Variants in NAV2 observed in about 807,000 individuals in gnomAD.
NAV2 encodes helicase, APC down-regulated 1.
A neutral mutation model predicts 223.2 loss-of-function variants in NAV2; 54 were observed. That is an observed-to-expected ratio of 0.24 (90% CI 0.19 to 0.30). The LOEUF is 0.30. Among genes scored for constraint, NAV2 ranks in the 10% least tolerant of loss-of-function variants. The probability of loss-of-function intolerance (pLI) is 1.00; values close to 1 mark genes in which losing one functional copy is unlikely to be tolerated. For synonymous variants in NAV2, 1,279 were observed against 1,239.3 expected, an observed-to-expected ratio of 1.03 and a Z score of -0.67; for missense variants, 2,806 against 3,147.5, an observed-to-expected ratio of 0.89 and a Z score of 2.60.
chr11:19,891,638 G>T (rs1231493606), intron 5 of NAV2, among the ~76,000 whole-genome samples: 5 of 152,172 alleles, frequency 3.3e-5, no homozygotes, highest in Non-Finnish European at 4.4e-5. Context: ...TTGGAGACAG[G>T]TCATCAGGTG....
chr11:19,475,517 A>G (rs889480581), intron 1 of NAV2, among the ~76,000 whole-genome samples: 5 of 152,216 alleles, frequency 3.3e-5, no homozygotes, highest in Admixed American at 1.3e-4. Context: ...TTTGGATTAC[A>G]GGCTGGTATC....
At chr11:20,090,020 C>T (rs1011327485) in intron 26 of NAV2, among the ~76,000 whole-genome samples, 1 of 152,186 alleles carries the variant, frequency 6.6e-6, no homozygotes, top group African/African-American at 2.4e-5. Flanking sequence ...AGAGGTTTCC[C>T]TTCTTGCCCT....
chr11:19,928,581 C>T (rs1450697972), intron 6 of NAV2, among the ~76,000 whole-genome samples: 1 of 152,170 alleles, frequency 6.6e-6, no homozygotes, highest in African/African-American at 2.4e-5. Context: ...ACCCACCTTC[C>T]CCCAAACTGG....
rs112698603 is a variant in NAV2, at chr11:19,959,041, G to T, written c.2645+9961G>T. Among the ~76,000 whole-genome samples the T allele has an allele frequency of 4.3e-3, 662 of 152,298 alleles. 5 individuals are homozygous for T. Among genetic ancestry groups the T allele is most frequent in the African/African-American group, 0.015 (636 of 41,560 alleles). On this transcript the variant is annotated intron_variant, in intron 10 of 37. Transcript: ENST00000349880. ...CAGGGGACACAAAGGAGACAGAGAAGATAAGGATGGCTCCCCAGCTCCAGC... is the reference window on the plus strand; with the variant it reads ...CAGGGGACACAAAGGAGACAGAGAATATAAGGATGGCTCCCCAGCTCCAGC...
intron 19 of NAV2, among the ~76,000 whole-genome samples, chr11:20,059,517 G>A (rs1248284223): frequency 6.6e-6 from 1 of 152,002 alleles, no homozygotes; most frequent in Non-Finnish European, 1.5e-5. Flanking sequence ...CCTAGGTTGT[G>A]CCCATGTGTT....
chr11:19,887,643 C>T (rs1379602347), intron 5 of NAV2, among the ~76,000 whole-genome samples: 2 of 152,134 alleles, frequency 1.3e-5, no homozygotes. Flanking sequence ...ATTTTGGGTT[C>T]ATCTGGGTCA....
At chr11:19,868,801 C>G (rs2062264752) in intron 3 of NAV2, 124 bp from the exon 4 acceptor site, 8 of 805,296 alleles carry the variant, frequency 9.9e-6, no homozygotes, top group Non-Finnish European at 1.6e-5. Flanking sequence ...AAGAGAGTGT[C>G]CTATCTTGGC....
intron 22 of NAV2, among the ~76,000 whole-genome samples, chr11:20,075,555 A>G (rs1259250424): frequency 1.3e-5 from 2 of 152,010 alleles, no homozygotes; most frequent in Non-Finnish European, 2.9e-5. Flanking sequence ...TCCATTTTTA[A>G]TAGAGAGAGG....
At position 20,045,565 on chromosome 11, in the gene NAV2, A is replaced by G. The variant is rs1345972024; in HGVS notation, c.3797A>G (p.Asn1266Ser). ...GACAACGAGAGTGTGGCTTCCTGTA[A>G]CTCGGTGAAAGTGAATCCGGCAGCC... The part of the protein sequence containing the change: ...SSDNESVASC[N>S]SVKVNPAAQP... The change falls in exon 14 of 38, where the codon AAC becomes AGC. Residue 1266 changes from asparagine to serine, a missense_variant. Transcript: ENST00000349880. 1 of 1,614,000 alleles carries G rather than the reference A, an allele frequency of 6.2e-7. No individual in the cohort carries two copies.
chr11:19,736,928 A>T (rs2052365964), intron 1 of NAV2, among the ~76,000 whole-genome samples: 1 of 152,224 alleles, frequency 6.6e-6, no homozygotes, highest in Non-Finnish European at 1.5e-5. Context: ...AGGGGAAAAA[A>T]AAACTTATTG....
At chr11:19,848,109 C>G (rs896057513) in intron 3 of NAV2, among the ~76,000 whole-genome samples, 2 of 152,188 alleles carry the variant, frequency 1.3e-5, no homozygotes, top group African/African-American at 4.8e-5. Context: ...GAGCACAGCC[C>G]TTCTTCTCAC....
At chr11:20,092,107 A>T in intron 27 of NAV2, 99 bp from the exon 28 acceptor site, 1 of 1,204,084 alleles carries the variant, frequency 8.3e-7, no homozygotes, top group South Asian at 1.4e-5. Context: ...GTGGAAGACC[A>T]GCCTGGTTTC....
chr11:20,083,218 CT>C (rs1222048010), intron 26 of NAV2, 39 bp downstream of exon 26: 1 of 1,555,308 alleles, frequency 6.4e-7, no homozygotes, highest in Non-Finnish European at 8.8e-7. Context: ...TCTTTGGCCC[CT>C]GAGAACCTTC....
At chr11:19,403,637 T>C (rs1463290788) in intron 1 of NAV2, among the ~76,000 whole-genome samples, 3 of 152,218 alleles carry the variant, frequency 2.0e-5, no homozygotes, top group South Asian at 2.1e-4. Flanking sequence ...ACAATGTGTA[T>C]GGTAGGCACT....
chr11:19,870,078 C>T (rs1276355595), intron 4 of NAV2, among the ~76,000 whole-genome samples: 2 of 152,142 alleles, frequency 1.3e-5, no homozygotes, highest in East Asian at 1.9e-4. Context: ...CAGTTAATAA[C>T]TCTGATGTGC....
At chr11:20,073,546 A>T (rs942428204) in intron 22 of NAV2, among the ~76,000 whole-genome samples, 7 of 152,150 alleles carry the variant, frequency 4.6e-5, no homozygotes, top group Admixed American at 2.0e-4. Flanking sequence ...TAAAATTTGG[A>T]TGTGAATCCA....
intron 10 of NAV2, among the ~76,000 whole-genome samples, chr11:19,953,859 G>GCA (rs2047604073): frequency 2.3e-5 from 2 of 87,060 alleles, no homozygotes; most frequent in Non-Finnish European, 4.8e-5. Flanking sequence ...ACGCGCGCGC[G>GCA]TGTGTGTGTG....
intron 1 of NAV2, among the ~76,000 whole-genome samples, chr11:19,636,286 A>G (rs966206682): frequency 6.6e-6 from 1 of 152,112 alleles, no homozygotes. Context: ...GGGTAGAGAG[A>G]GATTTCCTTA....
intron 25 of NAV2, 131 bp downstream of exon 25, chr11:20,080,340 G>T: frequency 1.2e-6 from 1 of 823,692 alleles, no homozygotes. Flanking sequence ...TAGATCCCAG[G>T]AAATGGTTTG....
Sources: gnomAD v4.1 joint callset for allele counts (sites outside exome capture counted in the v4.1 genomes callset) on GRCh38, gnomAD v4.1.1 for gene constraint, MANE v1.5 for transcripts, NCBI Gene and HGNC (gene_info 2026-07-23, HGNC 2026-07-21) for gene names.